The following ZNF177 variants were observed in gnomAD, a reference collection of about 807,000 sequenced individuals.
The protein encoded by ZNF177 is zinc finger protein 177.
A neutral mutation model predicts 19.4 loss-of-function variants in ZNF177; 17 were observed. The observed-to-expected ratio is 0.87, with a 90% confidence interval of 0.60 to 1.31. ZNF177 has a LOEUF of 1.31. Ranked by LOEUF, ZNF177 falls within the 40% of genes most tolerant of loss-of-function variation. ZNF177 has a pLI of 0.00. For synonymous variants in ZNF177, 220 were observed against 188.7 expected (o/e 1.17, Z -1.36); for missense variants, 633 against 561.8 (o/e 1.13, Z -1.28).
Position 9,380,666 on chromosome 19 carries a change from A to G in ZNF177, c.337-2A>G. On this transcript the variant is annotated splice_acceptor_variant, in intron 5 of 5. Coordinates refer to ENST00000589262, the Ensembl canonical transcript of ZNF177. LOFTEE classifies it high-confidence loss of function. ...AGTCACCACTTACTCCCTTTTCAAC[A>G]GGCAGAAAATCAACCTGGTGAGCAC... The G allele has an allele frequency of 6.5e-7, 1 of 1,535,670 alleles. No individual in the cohort carries two copies. Among genetic ancestry groups the G allele is most frequent in the Non-Finnish European group, 8.7e-7 (1 of 1,146,752 alleles).
At chr19:9,381,082 A>G in exon 6 of ZNF177, 2 of 1,611,166 alleles carry the variant, frequency 1.2e-6, no homozygotes, top group Non-Finnish European at 1.7e-6. Flanking sequence ...AAAAACTGGT[A>G]GTGTGGAGGA....
chr19:9,376,445 TTTG>T (rs2122537596), intron 1 of ZNF177, 22 bp downstream of exon 3: 1 of 152,352 alleles, frequency 6.6e-6, no homozygotes, highest in African/African-American at 2.4e-5. Context: ...CTGTTGCCTT[TTTG>T]TTCATTCTTC....
At chr19:9,372,278 A>G (rs1279773902), upstream of ZNF177, among the ~76,000 whole-genome samples, 1 of 152,208 alleles carries the variant, frequency 6.6e-6, no homozygotes, top group Non-Finnish European at 1.5e-5. Context: ...TCTAAAAGAG[A>G]GCACTTGTGT....
intron 2 of ZNF177, among the ~76,000 whole-genome samples, chr19:9,365,773 G>GA (rs2067970472): frequency 6.6e-6 from 1 of 152,164 alleles, no homozygotes; most frequent in South Asian, 2.1e-4. Flanking sequence ...TGAGAGAAGG[G>GA]AGAGATTGAA....
intron 1 of ZNF177, among the ~76,000 whole-genome samples, chr19:9,363,705 T>C (rs1317003816): frequency 6.6e-6 from 1 of 152,242 alleles, no homozygotes; most frequent in Non-Finnish European, 1.5e-5. Context: ...GGGTGTGTTT[T>C]GTATGCAGCA....
intron 2 of ZNF177, among the ~76,000 whole-genome samples, chr19:9,370,386 G>C (rs1405404857): frequency 6.6e-6 from 1 of 151,006 alleles, no homozygotes; most frequent in African/African-American, 2.4e-5. Context: ...AGTACAATAA[G>C]TGTTATGTAA....
chr19:9,381,745 C>T lies in ZNF177; in HGVS notation c.1414C>T (p.Arg472Ter), dbSNP rs770239841. The T allele has an allele frequency of 1.1e-5, 18 of 1,606,166 alleles. No individual in the cohort carries two copies. Among genetic ancestry groups the T allele is most frequent in the East Asian group, 6.7e-5 (3 of 44,850 alleles). ...AAGCACTAACCTTATAATGCACAAG[C>T]GAATCCACAATGGCCAGAAACTCCA... The change falls in exon 6 of 6, where the codon CGA becomes TGA. Residue 472 changes from arginine (R) to a stop codon, truncating the protein, a stop_gained. Coordinates refer to ENST00000589262, the Ensembl canonical transcript of ZNF177. LOFTEE classifies it low-confidence loss of function (END_TRUNC).
upstream of ZNF177, among the ~76,000 whole-genome samples, chr19:9,375,101 A>G (rs541312505): frequency 6.7e-6 from 1 of 149,020 alleles, no homozygotes; most frequent in East Asian, 2.0e-4. Flanking sequence ...TAATGATGAT[A>G]TAGTTTTTAT....
chr19:9,376,633 A>G (rs1599391569), intron 1 of ZNF177, among the ~76,000 whole-genome samples: 1 of 152,166 alleles, frequency 6.6e-6, no homozygotes. Flanking sequence ...AGTCTGTTTT[A>G]AGCTGTTAAC....
chr19:9,366,858 C>T (rs1274258017), intron 2 of ZNF177, among the ~76,000 whole-genome samples: 1 of 152,186 alleles, frequency 6.6e-6, no homozygotes, highest in Non-Finnish European at 1.5e-5. Context: ...CCACACTTGT[C>T]TTTTTAATTA....
At chr19:9,382,522 G>T, downstream of ZNF177, 1 of 397,556 alleles carries the variant, frequency 2.5e-6, no homozygotes, top group Non-Finnish European at 4.4e-6. Context: ...TAACTGCCAT[G>T]TGGTTTAAAC....
chr19:9,380,845 G>T lies in ZNF177; in HGVS notation c.514G>T (p.Gly172Ter), dbSNP rs1417939451. 1.3e-6 allele frequency: 2 copies of T among 1,535,942 alleles called. No homozygotes were observed. Among genetic ancestry groups the T allele is most frequent in the African/African-American group, 1.4e-5 (1 of 73,018 alleles). Reference sequence around the variant, plus strand: ...TAGGAGTCATGTGAGCATTCACATTGGAGAGAAAACTCTTGAATTTACTGA... The same window carrying T: ...TAGGAGTCATGTGAGCATTCACATTTGAGAGAAAACTCTTGAATTTACTGA... Residue 172 changes from glycine (G) to a stop codon, truncating the protein, a stop_gained, in exon 6 of 6, where the codon GGA (glycine) becomes TGA (stop). Coordinates refer to ENST00000589262, the Ensembl canonical transcript of ZNF177. LOFTEE classifies it low-confidence loss of function (END_TRUNC).
chr19:9,381,161 C>T (rs747269400), exon 6 of ZNF177: 2 of 1,614,192 alleles, frequency 1.2e-6, no homozygotes, highest in South Asian at 1.1e-5. Flanking sequence ...TGTGTCAGAA[C>T]TCACTCTGGA....
At chr19:9,381,968 A>G in exon 6 of ZNF177, 3 of 830,082 alleles carry the variant, frequency 3.6e-6, no homozygotes, top group Non-Finnish European at 5.3e-6. Context: ...TCATTCTTAT[A>G]TGTGTCACAA....
At chr19:9,372,451 C>T (rs2068057842), upstream of ZNF177, among the ~76,000 whole-genome samples, 1 of 151,960 alleles carries the variant, frequency 6.6e-6, no homozygotes, top group Non-Finnish European at 1.5e-5. Flanking sequence ...TATGTACCTA[C>T]CACCCAGCTT....
At chr19:9,369,568 A>G (rs1470709202) in intron 2 of ZNF177, among the ~76,000 whole-genome samples, 1 of 152,120 alleles carries the variant, frequency 6.6e-6, no homozygotes, top group Non-Finnish European at 1.5e-5. Context: ...TAAACTGCAG[A>G]ATTTAGCCCA....
chr19:9,370,324 A>AT (rs759674510), intron 2 of ZNF177, among the ~76,000 whole-genome samples: 70 of 151,550 alleles, frequency 4.6e-4, no homozygotes, highest in African/African-American at 1.5e-3. Flanking sequence ...CATAGATGCT[A>AT]TTTTTTCCCT....
intron 2 of ZNF177, among the ~76,000 whole-genome samples, 155 bp from the exon 5 acceptor site, chr19:9,378,807 G>A (rs191207962): frequency 6.6e-6 from 1 of 152,280 alleles, no homozygotes; most frequent in East Asian, 1.9e-4. Context: ...TGAGAACTCA[G>A]CTTTAAGGCA....
intron 2 of ZNF177, among the ~76,000 whole-genome samples, 151 bp downstream of exon 2, chr19:9,365,099 G>A (rs760660661): frequency 2.0e-5 from 3 of 152,138 alleles, no homozygotes; most frequent in Non-Finnish European, 4.4e-5. Flanking sequence ...AAGGAACATC[G>A]AGAAGGTGAA....
Sources: gnomAD v4.1 joint callset for allele counts (sites outside exome capture counted in the v4.1 genomes callset) on GRCh38, gnomAD v4.1.1 for gene constraint, MANE v1.5 for transcripts, NCBI Gene and HGNC (gene_info 2026-07-23, HGNC 2026-07-21) for gene names.